CYB5R4: variants seen among roughly 807,000 people sequenced by gnomAD.
CYB5R4 encodes the protein N-terminal cytochrome b5 and cytochrome b5 oxidoreductase domain-containing protein.
Under a neutral mutation model 70.2 loss-of-function variants are expected in CYB5R4, and 55 were observed. The observed-to-expected ratio is 0.78, with a 90% confidence interval of 0.63 to 0.98. The LOEUF is 0.98. Among genes scored for constraint, CYB5R4 ranks in the 50% least tolerant of loss-of-function variants. The pLI, the probability that CYB5R4 is intolerant of heterozygous loss-of-function variation, is 0.00. For synonymous variants in CYB5R4, 197 were observed against 199.5 expected (o/e 0.99, Z 0.11); for missense variants, 562 against 612.6 (o/e 0.92, Z 0.87).
At chr6:83,909,270 T>C (rs537092834) in intron 4 of CYB5R4, among the ~76,000 whole-genome samples, 180 bp downstream of exon 4, 1 of 152,350 alleles carries the variant, frequency 6.6e-6, no homozygotes, top group South Asian at 2.1e-4. Context: ...ATTGTGACTT[T>C]CCCTTAAAAG....
At chr6:83,887,072 C>G (rs1055840790) in intron 2 of CYB5R4, among the ~76,000 whole-genome samples, 2 of 152,022 alleles carry the variant, frequency 1.3e-5, no homozygotes, top group Non-Finnish European at 1.5e-5. Flanking sequence ...ATAAAATGCA[C>G]AAATGAAAAA....
chr6:83,864,023 C>A, intron 1 of CYB5R4, 152 bp from the exon 2 acceptor site: 1 of 672,582 alleles, frequency 1.5e-6, no homozygotes, highest in Non-Finnish European at 2.3e-6. Flanking sequence ...TAAGCCCTAC[C>A]TTTTATAATT....
chr6:83,903,187 A>T (rs2099463269), intron 3 of CYB5R4, among the ~76,000 whole-genome samples: 1 of 152,000 alleles, frequency 6.6e-6, no homozygotes, highest in Non-Finnish European at 1.5e-5. Context: ...ATTTTGAGGT[A>T]TATTCCTTCT....
At chr6:83,927,983 TC>T (rs2099467588) in intron 10 of CYB5R4, among the ~76,000 whole-genome samples, 2 of 152,202 alleles carry the variant, frequency 1.3e-5, no homozygotes, top group African/African-American at 4.8e-5. Context: ...ATTTAGGAAT[TC>T]TGTTTAAGAC....
chr6:83,964,015 AT>A lies in CYB5R4; in HGVS notation c.*4139del. ...GAAGTGCCTTTCACCTCCTGCCATG[AT>A]TCTGAGGCCTCCCCAGCCATGTGGA... On this transcript the variant is annotated 3_prime_UTR_variant, in exon 16 of 16. Transcript: ENST00000369681. 1 of 230,760 alleles carries A rather than the reference AT, an allele frequency of 4.3e-6. No individual in the cohort carries two copies. Among genetic ancestry groups the A allele is most frequent in the Non-Finnish European group, 8.3e-6 (1 of 120,208 alleles). The allele number at this position is 230,760 out of a possible 1,614,324, so 14.3% of individuals were successfully genotyped here.
chr6:83,926,251 G>C (rs1214133401), intron 10 of CYB5R4: 1 of 152,164 alleles, frequency 6.6e-6, no homozygotes, highest in Non-Finnish European at 1.5e-5. Flanking sequence ...AGAGTCCCTA[G>C]AGTGAACAAT....
At chr6:83,954,558 T>C (rs912694677) in intron 14 of CYB5R4, among the ~76,000 whole-genome samples, 1 of 152,088 alleles carries the variant, frequency 6.6e-6, no homozygotes, top group African/African-American at 2.4e-5. Context: ...CTCCCTCCTT[T>C]TGGAGCCCCC....
intron 15 of CYB5R4, among the ~76,000 whole-genome samples, chr6:83,956,200 T>C (rs1175529097): frequency 5.9e-5 from 9 of 152,102 alleles, no homozygotes; most frequent in Non-Finnish European, 1.5e-5. Context: ...GAGCCAAATA[T>C]AGTGACCGTG....
chr6:83,911,950 G>A (rs944745135), intron 4 of CYB5R4, among the ~76,000 whole-genome samples: 3 of 151,524 alleles, frequency 2.0e-5, no homozygotes, highest in South Asian at 2.1e-4. Flanking sequence ...CCAGCTACTC[G>A]GAAGGCTGAG....
intron 4 of CYB5R4, chr6:83,910,068 G>C: frequency 6.2e-7 from 1 of 1,612,472 alleles, no homozygotes; most frequent in Non-Finnish European, 8.5e-7. Flanking sequence ...TTCATCCTAG[G>C]CAAACTCTGG....
chr6:83,955,252 A>G, intron 14 of CYB5R4, 46 bp from the exon 15 acceptor site: 1 of 1,435,462 alleles, frequency 7.0e-7, no homozygotes, highest in Non-Finnish European at 9.5e-7. Context: ...TGTTAATAAT[A>G]TGTTTAAAAT....
intron 8 of CYB5R4, 105 bp from the exon 9 acceptor site, chr6:83,922,333 A>G: frequency 1.4e-6 from 1 of 739,772 alleles, no homozygotes; most frequent in Non-Finnish European, 2.1e-6. Context: ...TTTTGTCTTG[A>G]GGGATTTGAA....
chr6:83,916,781 G>C (rs183465196), intron 5 of CYB5R4, among the ~76,000 whole-genome samples: 4 of 152,200 alleles, frequency 2.6e-5, no homozygotes, highest in African/African-American at 9.6e-5. Context: ...GAAACAAAAC[G>C]TTTGTGTCTA....
At chr6:83,869,823 C>CA (rs796657002) in intron 2 of CYB5R4, among the ~76,000 whole-genome samples, 4,238 of 139,668 alleles carry the variant, frequency 0.03, 163 homozygotes, top group African/African-American at 0.1. Flanking sequence ...AACTTCGTCT[C>CA]AAAAAAAAAA....
chr6:83,909,979 A>C (rs949442603), intron 4 of CYB5R4: 16 of 1,531,240 alleles, frequency 1.0e-5, no homozygotes, highest in Admixed American at 1.8e-5. Flanking sequence ...TATATGCATT[A>C]GTTTTTTATT....
intron 4 of CYB5R4, 84 bp from the exon 5 acceptor site, chr6:83,914,332 A>G (rs564932626): frequency 2.9e-6 from 4 of 1,384,842 alleles, no homozygotes; most frequent in African/African-American, 3.0e-5. Flanking sequence ...AAGGGATGTT[A>G]TCTTGAAATC....
At chr6:83,940,626 G>A (rs752236824) in intron 14 of CYB5R4, 25 bp downstream of exon 14, 47 of 1,582,154 alleles carry the variant, frequency 3.0e-5, no homozygotes, top group Middle Eastern at 3.4e-4. Context: ...TTAGCTCTGC[G>A]TTTAGTTATT....
chr6:83,915,706 T>C (rs1215004547), intron 5 of CYB5R4, among the ~76,000 whole-genome samples: 3 of 152,226 alleles, frequency 2.0e-5, no homozygotes, highest in African/African-American at 7.2e-5. Flanking sequence ...CCCTGTAAGA[T>C]TGGAACATAT....
At chr6:83,947,462 A>G (rs1458849533) in intron 14 of CYB5R4, among the ~76,000 whole-genome samples, 1 of 152,182 alleles carries the variant, frequency 6.6e-6, no homozygotes, top group Non-Finnish European at 1.5e-5. Context: ...AAGAAAACTT[A>G]GGCAGTACCA....
Sources: gnomAD v4.1 joint callset for allele counts (sites outside exome capture counted in the v4.1 genomes callset) on GRCh38, gnomAD v4.1.1 for gene constraint, MANE v1.5 for transcripts, NCBI Gene and HGNC (gene_info 2026-07-23, HGNC 2026-07-21) for gene names.